SNX14: variants seen among roughly 807,000 people sequenced by gnomAD.
SNX14 encodes sorting nexin 14.
A neutral mutation model predicts 133.8 loss-of-function variants in SNX14; 93 were observed. The ratio of observed to expected loss-of-function variants is 0.70; its 90% CI spans 0.59 to 0.83. SNX14 has a LOEUF of 0.83. Ranked by LOEUF, SNX14 falls within the 40% of genes least tolerant of loss-of-function variation. The pLI is 0.00. For synonymous variants in SNX14, 368 were observed against 365.6 expected, an observed-to-expected ratio of 1.01 and a Z score of -0.07; for missense variants, 945 against 1,094.9, an observed-to-expected ratio of 0.86 and a Z score of 1.93.
intron 15 of SNX14, among the ~76,000 whole-genome samples, chr6:85,540,109 G>C (rs1267273781): frequency 2.6e-5 from 4 of 152,038 alleles, no homozygotes; most frequent in Non-Finnish European, 5.9e-5. Context: ...TCACAGGTGT[G>C]TTCCATCGCA....
chr6:85,529,351 GAAGA>G (rs1393260830), intron 19 of SNX14, among the ~76,000 whole-genome samples: 4 of 151,332 alleles, frequency 2.6e-5, no homozygotes, highest in Non-Finnish European at 4.4e-5. Flanking sequence ...GGAAACGAAG[GAAGA>G]AAGAAAGGAA....
At position 85,530,117 on chromosome 6, in the gene SNX14, A is replaced by T. The variant is rs559011537; in HGVS notation, c.1894+75T>A. On this transcript the variant is annotated intron_variant, in intron 19 of 28. Transcript: ENST00000314673. The stretch of plus-strand genomic sequence containing the variant: ...TGTATTTCAATTACTTAAAATAAAA[A>T]AATTAATCTGGTGTCATAGTTTTAA... 9.4e-6 allele frequency: 8 copies of T among 850,888 alleles called. No individual in the cohort carries two copies. In the African/African-American group the frequency reaches 1.4e-4, roughly 15 times the overall value. 52.7% of individuals were successfully genotyped at this position (850,888 alleles called of 1,614,324 possible).
At chr6:85,589,009 G>A (rs969918795) in intron 1 of SNX14, 5 of 407,190 alleles carry the variant, frequency 1.2e-5, no homozygotes, top group South Asian at 5.4e-5. Context: ...AGGCACACTC[G>A]ACTTTATAGA....
In SNX14 at chr6:85,505,900, A is replaced by C. The variant is rs1242684180; in HGVS notation, c.*67T>G. On this transcript the variant is annotated 3_prime_UTR_variant, in exon 29 of 29. Transcript: ENST00000314673. ...AATATATATAAGAATATACCCAAAAAAGTAAATTTCTACCACCCTCGCACA... is the reference window on the plus strand; with the variant it reads ...AATATATATAAGAATATACCCAAAACAGTAAATTTCTACCACCCTCGCACA... 8 of 1,112,016 alleles carry C rather than the reference A, an allele frequency of 7.2e-6. No individual in the cohort carries two copies. The highest frequency in any genetic ancestry group is 1.1e-5 in the Non-Finnish European group (8 of 730,792). The allele number at this position is 1,112,016 out of a possible 1,614,324, so 68.9% of individuals were successfully genotyped here.
At chr6:85,521,922 T>A (rs1428883390) in intron 21 of SNX14, among the ~76,000 whole-genome samples, 1 of 152,232 alleles carries the variant, frequency 6.6e-6, no homozygotes, top group Non-Finnish European at 1.5e-5. Context: ...TTTTTTATTA[T>A]GTGATTGATA....
chr6:85,518,727 A>G (rs935959460), intron 21 of SNX14, among the ~76,000 whole-genome samples: 1 of 152,204 alleles, frequency 6.6e-6, no homozygotes, highest in African/African-American at 2.4e-5. Flanking sequence ...AATAATAAAG[A>G]ATAAAAATAC....
chr6:85,536,840 C>T lies in SNX14; in HGVS notation c.1560G>A (p.Glu520=). 6.2e-7 allele frequency: 1 copy of T among 1,613,378 alleles called. No individual in the cohort carries two copies. The highest frequency in any genetic ancestry group is 8.5e-7 in the Non-Finnish European group (1 of 1,179,640). The change falls in exon 17 of 29, where the codon GAG becomes GAA. Residue 520 remains glutamate, a synonymous_variant. Transcript: ENST00000314673. ...IKGVFKSTTM[E]GAMLPNYGVA... is the part of the protein sequence containing the mutation. ...CACCATAATTAGGCAACATAGCTCCCTCCATTGTGGTACTTTTGAATACTC... is the reference window on the plus strand; with the variant it reads ...CACCATAATTAGGCAACATAGCTCCTTCCATTGTGGTACTTTTGAATACTC...
chr6:85,593,810 TTGGCGGCGCACACAGACGCCTACCGGC>T lies in SNX14; in HGVS notation c.-119_-93del. On this transcript the variant is annotated 5_prime_UTR_variant, in exon 1 of 29. Transcript: ENST00000314673. ...CACCTCGCGTCCCCGCCCCACCGAC[TTGGCGGCGCACACAGACGCCTACCGGC>T]AGTTAGCCGCCGCAGGCTGAGGTCG... The T allele has an allele frequency of 1.9e-6, 3 of 1,577,554 alleles. No individual in the cohort carries two copies. Among genetic ancestry groups the T allele is most frequent in the Non-Finnish European group, 2.6e-6 (3 of 1,167,100 alleles).
intron 1 of SNX14, among the ~76,000 whole-genome samples, chr6:85,583,481 A>G (rs1799690057): frequency 6.6e-6 from 1 of 152,238 alleles, no homozygotes; most frequent in African/African-American, 2.4e-5. Context: ...TGCAGATGAC[A>G]TGATTGTATA....
chr6:85,514,386 T>G, intron 24 of SNX14, 120 bp downstream of exon 24: 1 of 1,427,834 alleles, frequency 7.0e-7, no homozygotes, highest in Non-Finnish European at 9.5e-7. Context: ...TATTGAATTA[T>G]TATAAAAGGT....
intron 1 of SNX14, among the ~76,000 whole-genome samples, chr6:85,588,520 T>C (rs948633820): frequency 4.6e-5 from 7 of 152,112 alleles, no homozygotes; most frequent in Non-Finnish European, 1.0e-4. Flanking sequence ...GAGCTTGCAG[T>C]GAGCCAAGAT....
intron 26 of SNX14, among the ~76,000 whole-genome samples, chr6:85,513,378 T>A (rs566317392): frequency 1.3e-5 from 2 of 152,226 alleles, no homozygotes; most frequent in Non-Finnish European, 2.9e-5. Flanking sequence ...CCTACTCAAG[T>A]GCATTTTTTA....
At chr6:85,543,427 C>A in intron 13 of SNX14, 121 bp from the exon 14 acceptor site, 2 of 1,083,864 alleles carry the variant, frequency 1.8e-6, no homozygotes, top group Admixed American at 3.1e-5. Flanking sequence ...CAACCAAGCT[C>A]TAGTTCTGAC....
At chr6:85,556,622 T>A (rs1789893578) in intron 7 of SNX14, among the ~76,000 whole-genome samples, 1 of 151,728 alleles carries the variant, frequency 6.6e-6, no homozygotes. Context: ...CCTGGCTAAT[T>A]TTTGTATTTT....
rs199694103 is a variant in SNX14, at chr6:85,538,896, G to A, written c.1449-32C>T. The A allele has an allele frequency of 2.6e-6, 4 of 1,554,288 alleles. No individual in the cohort carries two copies. The South Asian group carries it at 3.7e-5, about 14-fold the overall frequency. On this transcript the variant is annotated intron_variant, in intron 15 of 28. Transcript: ENST00000314673. ...TAACAGGTATGTGAAATAATATAAG[G>A]AGAGGAAAGAAAGAAAGCCCAGATA...
intron 14 of SNX14, among the ~76,000 whole-genome samples, chr6:85,542,537 G>A (rs930947859): frequency 6.6e-6 from 1 of 152,090 alleles, no homozygotes; most frequent in Non-Finnish European, 1.5e-5. Flanking sequence ...TGGGACTACA[G>A]GTGCCCGCCA....
chr6:85,543,855 G>A, intron 12 of SNX14, 95 bp from the exon 13 acceptor site: 1 of 652,388 alleles, frequency 1.5e-6, no homozygotes, highest in Non-Finnish European at 2.2e-6. Context: ...AATACTAACA[G>A]CAGCAATTAG....
intron 1 of SNX14, chr6:85,589,224 ACTTT>A: frequency 6.5e-6 from 1 of 153,288 alleles, no homozygotes; most frequent in Non-Finnish European, 1.4e-5. Context: ...TTCTGGCACC[ACTTT>A]TTTTTTTTTT....
chr6:85,549,649 T>C, intron 8 of SNX14, 74 bp downstream of exon 8: 3 of 1,346,974 alleles, frequency 2.2e-6, no homozygotes, highest in African/African-American at 3.0e-5. Context: ...AGCATATGCC[T>C]ATCATAACCA....
Sources: allele counts gnomAD v4.1 joint callset (sites outside exome capture counted in the v4.1 genomes callset), GRCh38; gene constraint gnomAD v4.1.1; transcripts MANE v1.5; gene names NCBI Gene and HGNC (gene_info 2026-07-23, HGNC 2026-07-21).